The following ANKRD11 variants were observed in gnomAD, a reference collection of about 807,000 sequenced individuals.
ANKRD11 encodes the protein ankyrin repeat domain 11.
A neutral mutation model predicts 195.7 loss-of-function variants in ANKRD11; 17 were observed. That is an observed-to-expected ratio of 0.09 (90% CI 0.06 to 0.13). ANKRD11 has a LOEUF of 0.13. Among genes scored for constraint, ANKRD11 ranks in the 10% least tolerant of loss-of-function variants. ANKRD11 has a pLI of 1.00. For missense variants in ANKRD11, 3,735 were observed against 3,566.1 expected (o/e 1.05, Z -1.21); for synonymous variants, 1,953 against 1,528.1 (o/e 1.28, Z -6.49).
At chr16:89,293,379 GACAC>G (rs1567596681) in intron 4 of ANKRD11, among the ~76,000 whole-genome samples, 3 of 151,710 alleles carry the variant, frequency 2.0e-5, no homozygotes, top group Non-Finnish European at 2.9e-5. Flanking sequence ...ACTAGGGGTG[GACAC>G]AGGGAGGAGC....
At chr16:89,360,723 G>GGTGT (rs1385164518) in intron 2 of ANKRD11, 4 of 152,210 alleles carry the variant, frequency 2.6e-5, no homozygotes, top group Non-Finnish European at 5.9e-5. Context: ...CAAAACTCCA[G>GGTGT]GTGTGTGTGT....
At chr16:89,477,018 C>T (rs181398735) in intron 1 of ANKRD11, among the ~76,000 whole-genome samples, 81 of 152,320 alleles carry the variant, frequency 5.3e-4, no homozygotes, top group African/African-American at 1.6e-3. Flanking sequence ...GAAGACCACA[C>T]CGTGAGCATC....
At position 89,283,980 on chromosome 16, in the gene ANKRD11, C is replaced by A; in HGVS notation, c.2562G>T (p.Gly854=). 1 of 1,614,162 alleles carries A rather than the reference C, an allele frequency of 6.2e-7. No individual in the cohort carries two copies. Among genetic ancestry groups the A allele is most frequent in the Non-Finnish European group, 8.5e-7 (1 of 1,180,048 alleles). ...TCACTGGCGAGTCCCAGCTGTCCTCCCCTTTGAAATCAAAGGATGAATCGG... is the reference window on the plus strand; with the variant it reads ...TCACTGGCGAGTCCCAGCTGTCCTCACCTTTGAAATCAAAGGATGAATCGG... The part of the protein sequence containing the change: ...DLSDSSFDFK[G]EDSWDSPVTD... The change falls in exon 9 of 13, where the codon GGG becomes GGT. Residue 854 remains glycine (G), a synonymous_variant. Transcript: ENST00000301030. This position sits in a 1 kb window ranked among gnomAD's most constrained non-coding sequence, Gnocchi z 4.3.
chr16:89,358,411 A>G (rs973883146), intron 2 of ANKRD11, among the ~76,000 whole-genome samples: 2 of 152,244 alleles, frequency 1.3e-5, no homozygotes, highest in African/African-American at 4.8e-5. Context: ...AGCCACGTGG[A>G]TAACTGCCTA....
chr16:89,366,846 T>C (rs1335518824), intron 2 of ANKRD11, among the ~76,000 whole-genome samples: 1 of 152,214 alleles, frequency 6.6e-6, no homozygotes, highest in Non-Finnish European at 1.5e-5. Context: ...ACACACACTT[T>C]GGGCTTTGCA....
In ANKRD11 at chr16:89,343,442, T is replaced by A. The variant is rs1347137668; in HGVS notation, c.-59-26364A>T. ...CAGCTCAGATTTGTGTTTTTATGTGTAATCTCTTAAAAGCCAGGGTACACA... is the reference window on the plus strand; with the variant it reads ...CAGCTCAGATTTGTGTTTTTATGTGAAATCTCTTAAAAGCCAGGGTACACA... On this transcript the variant is annotated intron_variant, in intron 2 of 12. Coordinates refer to ENST00000301030, the MANE Select transcript of ANKRD11 (RefSeq NM_013275.6). 2.6e-5 allele frequency among the ~76,000 whole-genome samples: 4 copies of A among 152,264 alleles called. No homozygotes were observed. In the South Asian group the frequency reaches 6.2e-4, roughly 24 times the overall value.
At chr16:89,312,175 G>C (rs2036640820) in intron 3 of ANKRD11, among the ~76,000 whole-genome samples, 1 of 152,228 alleles carries the variant, frequency 6.6e-6, no homozygotes, top group Non-Finnish European at 1.5e-5. Flanking sequence ...TGGGATGACA[G>C]GTGTGAGCCA....
intron 2 of ANKRD11, chr16:89,323,279 G>A: frequency 2.3e-6 from 3 of 1,288,338 alleles, no homozygotes; most frequent in African/African-American, 1.5e-5. Context: ...GGCCTACTGT[G>A]TGCAAAGCCC....
intron 1 of ANKRD11, among the ~76,000 whole-genome samples, chr16:89,440,230 T>C (rs771259602): frequency 6.6e-6 from 1 of 152,200 alleles, no homozygotes; most frequent in Non-Finnish European, 1.5e-5. Context: ...GAAATGAACA[T>C]TTTATCAATA....
At chr16:89,278,243 G>T (rs1003175638) in intron 9 of ANKRD11, 1 of 346,308 alleles carries the variant, frequency 2.9e-6, no homozygotes, top group African/African-American at 2.2e-5. Context: ...CCGTCACCGA[G>T]GACAGACGGG....
At position 89,280,984 on chromosome 16, in the gene ANKRD11, G is replaced by A. The variant is rs1169949888; in HGVS notation, c.5558C>T (p.Pro1853Leu). 6.3e-7 allele frequency: 1 copy of A among 1,575,868 alleles called. No homozygotes were observed. Among genetic ancestry groups the A allele is most frequent in the Non-Finnish European group, 8.6e-7 (1 of 1,158,816 alleles). ...TTTGGGCGACGGGAGGCCATAGTCT[G>A]GGGAGTAGTACCCTGGCGACAAGCA... Reference protein sequence around the residue: ...FACLSPGYYSPDYGLPSPKVD... With the variant: ...FACLSPGYYSLDYGLPSPKVD... The change falls in exon 9 of 13, where the codon CCA (proline) becomes CTA (leucine). Residue 1853 changes from proline to leucine, a missense_variant. By Grantham distance (98) the Pro-to-Leu change is moderately conservative. Transcript: ENST00000301030.
At chr16:89,419,672 C>A (rs1331849678) in intron 1 of ANKRD11, among the ~76,000 whole-genome samples, 1 of 152,196 alleles carries the variant, frequency 6.6e-6, no homozygotes, top group Non-Finnish European at 1.5e-5. Context: ...GCTCCCAGGA[C>A]AGGGCTTGCT....
rs75629150 is a variant in ANKRD11 at position 89,280,167 on chromosome 16, G to T, written c.6375C>A (p.Ala2125=). Residue 2125 remains alanine (A), a synonymous_variant, in exon 9 of 13, where the codon GCC becomes GCA. Transcript: ENST00000301030. ...VEPVPWADAF[A]GPEDDLDLGP... is the part of the protein sequence containing the mutation. ...CCAGGTCCAGGTCGTCCTCGGGGCC[G>T]GCGAAGGCGTCCGCCCAGGGCACCG... The T allele has an allele frequency of 6.2e-7, 1 of 1,609,540 alleles. No homozygotes were observed. The highest frequency in any genetic ancestry group is 8.5e-7 in the Non-Finnish European group (1 of 1,178,812).
chr16:89,415,468 G>C (rs1281548877), intron 2 of ANKRD11, among the ~76,000 whole-genome samples: 6 of 147,370 alleles, frequency 4.1e-5, no homozygotes, highest in Non-Finnish European at 8.9e-5. Flanking sequence ...GTTTCACCGT[G>C]TTAGCCAGGA....
chr16:89,339,262 T>G (rs973593451), intron 2 of ANKRD11, among the ~76,000 whole-genome samples: 11 of 152,236 alleles, frequency 7.2e-5, no homozygotes, highest in African/African-American at 2.7e-4. Flanking sequence ...AAATCATGCA[T>G]TAGGCAATAG....
At chr16:89,448,445 A>G (rs761718470) in intron 1 of ANKRD11, among the ~76,000 whole-genome samples, 2 of 152,212 alleles carry the variant, frequency 1.3e-5, no homozygotes, top group Admixed American at 6.5e-5. Flanking sequence ...AAATCACACG[A>G]AAGTACTCAA....
At position 89,268,678 on chromosome 16, in the gene ANKRD11, G is replaced by C; in HGVS notation, c.7807-15C>G. 1 of 1,576,526 alleles carries C rather than the reference G, an allele frequency of 6.3e-7. No homozygotes were observed. The highest frequency in any genetic ancestry group is 8.6e-7 in the Non-Finnish European group (1 of 1,161,288). ...AGGAGGCAAGTCTGCGGGACACACA[G>C]CGGGGAGAGGAGGGAGGAGGAGTGA... On this transcript the variant is annotated splice_polypyrimidine_tract_variant and intron_variant, in intron 12 of 12. Coordinates refer to ENST00000301030, the MANE Select transcript of ANKRD11 (RefSeq NM_013275.6).
intron 1 of ANKRD11, among the ~76,000 whole-genome samples, chr16:89,481,850 T>C (rs909457674): frequency 1.3e-5 from 2 of 152,118 alleles, no homozygotes; most frequent in African/African-American, 4.8e-5. Flanking sequence ...AAGTCGAAGA[T>C]GCCCTTACTC....
At position 89,281,599 on chromosome 16, in the gene ANKRD11, G is replaced by C; in HGVS notation, c.4943C>G (p.Pro1648Arg). Residue 1648 changes from proline to arginine, a missense_variant, in exon 9 of 13, where the codon CCA becomes CGA. Coordinates refer to ENST00000301030, the MANE Select transcript of ANKRD11 (RefSeq NM_013275.6). This position sits in a 1 kb window ranked among gnomAD's most constrained non-coding sequence, Gnocchi z 5.5. ...CTCTTTGAGCTTTTTGTCTTTAAAT[G>C]GAGGGTCCAGCCCCGGCGGTTTCTT... ...PAKKPPGLDP[P>R]FKDKKLKEST... is the part of the protein sequence containing the mutation. The C allele has an allele frequency of 1.9e-6, 3 of 1,614,164 alleles. No individual in the cohort carries two copies. The highest frequency in any genetic ancestry group is 2.5e-6 in the Non-Finnish European group (3 of 1,180,012).
Sources: gnomAD v4.1 joint callset for allele counts (sites outside exome capture counted in the v4.1 genomes callset) on GRCh38, gnomAD v4.1.1 for gene constraint, Gnocchi (gnomAD v3.1) non-coding constraint, MANE v1.5 for transcripts, NCBI Gene and HGNC (gene_info 2026-07-23, HGNC 2026-07-21) for gene names.